The following ALG6 variants were observed in gnomAD, a reference collection of about 807,000 sequenced individuals.
ALG6 encodes the protein ALG6 alpha-1,3-glucosyltransferase.
In ALG6, 46 loss-of-function variants were observed where a neutral mutation model predicts 66.6. The ratio of observed to expected loss-of-function variants is 0.69; its 90% confidence interval spans 0.55 to 0.88. The LOEUF (loss-of-function observed/expected upper bound fraction) is 0.88, where lower values mean the gene tolerates loss of function less well. Ranked by LOEUF, ALG6 falls within the 40% of genes least tolerant of loss-of-function variation. The pLI is 0.00. For synonymous variants in ALG6, 185 were observed against 203.7 expected, an observed-to-expected ratio of 0.91 and a Z score of 0.78; for missense variants, 505 against 586.8, an observed-to-expected ratio of 0.86 and a Z score of 1.44.
chr1:63,400,206 A>AATATATATATATATACGTATAT (rs1644440781), intron 3 of ALG6, among the ~76,000 whole-genome samples: 1 of 36,428 alleles, frequency 2.7e-5, no homozygotes, highest in Non-Finnish European at 4.1e-5. Context: ...AAAAAAAAAA[A>AATATATATATATATACGTATAT]ATATATATAT....
Position 63,419,250 on chromosome 1 carries a change from A to G in ALG6, c.988-120A>G, listed in dbSNP as rs940724745. 4 of 839,974 alleles carry G rather than the reference A, an allele frequency of 4.8e-6. No individual in the cohort carries two copies. The African/African-American group carries it at 6.8e-5, about 14-fold the overall frequency. The allele number at this position is 839,974 out of a possible 1,614,324, so 52.0% of individuals were successfully genotyped here. A position where few individuals can be genotyped will look rare whatever the true frequency, so the allele number is the denominator to read the frequency against. ...AGTGTTGTTTGTATTTTACTTCTAA[A>G]TAGAGCTTTAATAAACTTTCAACTT... On this transcript the variant is annotated intron_variant, in intron 11 of 14. Transcript: ENST00000263440.
At position 63,438,549 on chromosome 1, in the gene ALG6, T is replaced by C. The variant is rs562853415; in HGVS notation, c.*1529T>C. On this transcript the variant is annotated 3_prime_UTR_variant, in exon 15 of 15. Transcript: ENST00000263440. ...GTATTATGTACATATATTAGTAAAA[T>C]GAAATGCACCTGATTCAAGGTATCA... 2 of 152,312 alleles carry C rather than the reference T, an allele frequency of 1.3e-5. No homozygotes were observed. Among genetic ancestry groups the C allele is most frequent in the South Asian group, 2.1e-4 (1 of 4,830 alleles). 9.4% of individuals were successfully genotyped at this position (152,312 alleles called of 1,614,324 possible).
At chr1:63,368,844 C>T (rs1166294624) in intron 1 of ALG6, among the ~76,000 whole-genome samples, 6 of 152,114 alleles carry the variant, frequency 3.9e-5, no homozygotes, top group Non-Finnish European at 2.9e-5. Context: ...TAGAAAAATA[C>T]TGTACGCAAA....
chr1:63,404,442 T>C lies in ALG6; in HGVS notation c.258-11T>C. 6.2e-7 allele frequency: 1 copy of C among 1,609,746 alleles called. No homozygotes were observed. Among genetic ancestry groups the C allele is most frequent in the Non-Finnish European group, 8.5e-7 (1 of 1,176,024 alleles). On this transcript the variant is annotated splice_polypyrimidine_tract_variant and intron_variant, in intron 4 of 14. Coordinates refer to ENST00000263440, the MANE Select transcript of ALG6 (RefSeq NM_013339.4). Reference sequence around the variant, plus strand: ...GGAATGAAGTATCTGTATATATGCTTTGATTTGCAGGGCAAAGTTTATAAA... The same window carrying C: ...GGAATGAAGTATCTGTATATATGCTCTGATTTGCAGGGCAAAGTTTATAAA...
At chr1:63,424,139 C>G (rs1570085580) in intron 12 of ALG6, among the ~76,000 whole-genome samples, 2 of 152,014 alleles carry the variant, frequency 1.3e-5, no homozygotes, top group South Asian at 2.1e-4. Context: ...CTATTTAAAT[C>G]CTTTGCCTAT....
At chr1:63,434,377 A>C (rs574781114) in intron 14 of ALG6, among the ~76,000 whole-genome samples, 1 of 152,328 alleles carries the variant, frequency 6.6e-6, no homozygotes, top group Admixed American at 6.5e-5. Flanking sequence ...GAATTGGAGG[A>C]AGCATGTTGA....
In ALG6 at chr1:63,411,928, T is replaced by G. The variant is rs747783222; in HGVS notation, c.683T>G (p.Phe228Cys). ...CFKKGLKGKG[F>C]VLLVKLACIV... ...GCCTACCTTTGTTTTTGTTTTAGGTTTGTGTTGCTAGTTAAGCTAGCTTGT... is the reference window on the plus strand; with the variant it reads ...GCCTACCTTTGTTTTTGTTTTAGGTGTGTGTTGCTAGTTAAGCTAGCTTGT... The change falls in exon 9 of 15, where the codon TTT (phenylalanine) becomes TGT (cysteine). Residue 228 changes from phenylalanine (F) to cysteine (C), a missense_variant and splice_region_variant. Transcript: ENST00000263440. 3 of 1,614,096 alleles carry G rather than the reference T, an allele frequency of 1.9e-6. No homozygotes were observed.
chr1:63,400,860 C>T (rs1439440119), intron 3 of ALG6, among the ~76,000 whole-genome samples: 1 of 152,162 alleles, frequency 6.6e-6, no homozygotes, highest in Non-Finnish European at 1.5e-5. Context: ...AATGCTTCAA[C>T]AGCTCTGAGG....
intron 11 of ALG6, 117 bp from the exon 12 acceptor site, chr1:63,419,253 G>A (rs955819874): frequency 3.0e-5 from 25 of 846,438 alleles, no homozygotes; most frequent in Middle Eastern, 2.5e-4. Flanking sequence ...CTTCTAAATA[G>A]AGCTTTAATA....
rs1463968329 is a variant in ALG6, at chr1:63,422,398, T to A, written c.1058+2958T>A. Reference sequence around the variant, plus strand: ...ATAAGTATAAATATATATAAATATATATCTATATAAATATAAATATATATA... The same window carrying A: ...ATAAGTATAAATATATATAAATATAAATCTATATAAATATAAATATATATA... On this transcript the variant is annotated intron_variant, in intron 12 of 14. Transcript: ENST00000263440. Among the ~76,000 whole-genome samples the A allele has an allele frequency of 1.3e-4, 9 of 70,510 alleles. 1 individual carries two copies. Among genetic ancestry groups the A allele is most frequent in the African/African-American group, 5.0e-4 (8 of 16,074 alleles). The allele number at this position is 70,510 out of a possible 152,430, so 46.3% of individuals were successfully genotyped here. A position where few individuals can be genotyped will look rare whatever the true frequency, so the allele number is the denominator to read the frequency against.
chr1:63,402,174 G>C, intron 3 of ALG6, 80 bp from the exon 4 acceptor site: 3 of 853,942 alleles, frequency 3.5e-6, no homozygotes, highest in Non-Finnish European at 6.0e-6. Context: ...TTAGATAAGT[G>C]AGGTGCAATG....
At chr1:63,422,052 TAA>T (rs1294909869) in intron 12 of ALG6, among the ~76,000 whole-genome samples, 7 of 138,936 alleles carry the variant, frequency 5.0e-5, no homozygotes, top group Admixed American at 1.6e-4. Context: ...AATTTATATA[TAA>T]ATATCTATTT....
chr1:63,422,986 TGAGAG>T (rs965494856), intron 12 of ALG6, among the ~76,000 whole-genome samples: 36 of 149,254 alleles, frequency 2.4e-4, no homozygotes, highest in African/African-American at 8.8e-4. Flanking sequence ...ATAGAAAAAA[TGAGAG>T]GAGAAGAACT....
At chr1:63,375,150 A>C (rs1648079456) in intron 2 of ALG6, among the ~76,000 whole-genome samples, 1 of 152,070 alleles carries the variant, frequency 6.6e-6, no homozygotes, top group African/African-American at 2.4e-5. Flanking sequence ...GCAGTGAGCC[A>C]GAGATGGTGC....
At chr1:63,426,131 CT>C (rs1644613949) in intron 12 of ALG6, among the ~76,000 whole-genome samples, 1 of 152,080 alleles carries the variant, frequency 6.6e-6, no homozygotes, top group Admixed American at 6.6e-5. Flanking sequence ...GAGTTGAAAT[CT>C]TTGGGTAATG....
rs59848367 is a variant in ALG6, at chr1:63,411,971, C to T, written c.726C>T (p.Phe242=). The change falls in exon 9 of 15, where the codon TTC becomes TTT. Residue 242 remains phenylalanine, a synonymous_variant. Transcript: ENST00000263440. ...VKLACIVVAS[F]VLCWLPFFTE... is the part of the protein sequence containing the mutation. ...TAGCTTGTATTGTTGTGGCTTCCTTCGTTCTCTGCTGGCTGCCATTCTTTA... is the reference window on the plus strand; with the variant it reads ...TAGCTTGTATTGTTGTGGCTTCCTTTGTTCTCTGCTGGCTGCCATTCTTTA... 3.8e-3 allele frequency: 6,176 copies of T among 1,614,038 alleles called. 220 individuals carry two copies. The African/African-American group carries it at 0.071, about 19-fold the overall frequency.
chr1:63,436,376 C>T (rs1465689818), intron 14 of ALG6, among the ~76,000 whole-genome samples: 1 of 152,090 alleles, frequency 6.6e-6, no homozygotes, highest in Non-Finnish European at 1.5e-5. Flanking sequence ...ACTGACCTGC[C>T]AAACACTAGG....
intron 12 of ALG6, chr1:63,428,291 T>C (rs1644627537): frequency 6.4e-6 from 1 of 155,260 alleles, no homozygotes; most frequent in South Asian, 2.0e-4. Context: ...GGCATGATGA[T>C]GTTGTCTGCC....
intron 2 of ALG6, among the ~76,000 whole-genome samples, chr1:63,385,184 CTTT>C (rs1165046824): frequency 1.4e-4 from 8 of 58,940 alleles, no homozygotes; most frequent in Admixed American, 2.2e-4. Context: ...TTTACTTCTT[CTTT>C]TTTTTTTTTT....
Sources: gnomAD v4.1 joint callset for allele counts (sites outside exome capture counted in the v4.1 genomes callset) on GRCh38, gnomAD v4.1.1 for gene constraint, MANE v1.5 for transcripts, NCBI Gene and HGNC (gene_info 2026-07-23, HGNC 2026-07-21) for gene names.